EVC: variants seen among roughly 807,000 people sequenced by gnomAD.
EVC encodes the protein evC complex member EVC.
Under a neutral mutation model 118.9 loss-of-function variants are expected in EVC, and 116 were observed. That is an observed-to-expected ratio of 0.98 (90% CI 0.84 to 1.14). The LOEUF is 1.14. EVC is among the 50% of genes most tolerant of loss of function. EVC has a pLI of 0.00. For missense variants in EVC, 1,401 were observed against 1,246.4 expected (o/e 1.12, Z -1.87); for synonymous variants, 619 against 534.7 (o/e 1.16, Z -2.18).
At chr4:5,711,706 CA>C in intron 1 of EVC, 152 bp downstream of exon 1, 1 of 686,896 alleles carries the variant, frequency 1.5e-6, no homozygotes, top group Admixed American at 5.7e-5. Context: ...CCTTCTGCTC[CA>C]GGAGGGAGGT....
intron 11 of EVC, among the ~76,000 whole-genome samples, chr4:5,771,298 C>T (rs1733917783): frequency 6.6e-6 from 1 of 152,152 alleles, no homozygotes; most frequent in Non-Finnish European, 1.5e-5. Context: ...CATTCCTTGG[C>T]TCAGGGCCCT....
chr4:5,795,814 A>G (rs1292535368), intron 13 of EVC, among the ~76,000 whole-genome samples: 2 of 152,240 alleles, frequency 1.3e-5, no homozygotes, highest in Non-Finnish European at 2.9e-5. Flanking sequence ...ATTTATGTTT[A>G]ATGTAAATCC....
At position 5,742,416 on chromosome 4, in the gene EVC, AATC is replaced by A. The variant is rs1245125714; in HGVS notation, c.801+612_801+614del. On this transcript the variant is annotated intron_variant, in intron 6 of 20. Transcript: ENST00000264956. The surrounding 1 kb of genome is among the most constrained non-coding windows in gnomAD (Gnocchi z 5.2). ...TCCTCATTATCACAACCACCACCAA[AATC>A]ATCATCATCTTCATTATCACCACCA... 2.0e-5 allele frequency among the ~76,000 whole-genome samples: 3 copies of A among 152,072 alleles called. No homozygotes were observed. The highest frequency in any genetic ancestry group is 3.9e-4 in the East Asian group (2 of 5,192).
At chr4:5,808,351 TC>T (rs1716344832) in intron 18 of EVC, 24 bp downstream of exon 18, 1 of 1,614,010 alleles carries the variant, frequency 6.2e-7, no homozygotes, top group African/African-American at 1.3e-5. Context: ...AACTGGACCT[TC>T]CAAAAGCAGT....
chr4:5,764,818 A>G (rs1732620510), intron 11 of EVC, among the ~76,000 whole-genome samples: 2 of 146,778 alleles, frequency 1.4e-5, no homozygotes, highest in Non-Finnish European at 1.5e-5. Context: ...TCTTGCTAGC[A>G]GTCTATCAAT....
chr4:5,808,697 C>T (rs1444185293), intron 18 of EVC, among the ~76,000 whole-genome samples: 5 of 152,186 alleles, frequency 3.3e-5, no homozygotes, highest in East Asian at 1.9e-4. Flanking sequence ...GCAGTGTTGG[C>T]GATAGCTAAA....
chr4:5,794,241 A>ATATATATATTTATATGTATTTATATATT, intron 13 of EVC, among the ~76,000 whole-genome samples: 1 of 73,638 alleles, frequency 1.4e-5, no homozygotes, highest in South Asian at 6.7e-4. Flanking sequence ...ATATATATTT[A>ATATATATATTTATATGTATTTATATATT]TATATATATT....
intron 15 of EVC, among the ~76,000 whole-genome samples, chr4:5,800,551 G>T (rs1453329274): frequency 6.6e-6 from 1 of 152,128 alleles, no homozygotes; most frequent in East Asian, 1.9e-4. Context: ...GGGAGGAGAG[G>T]TGGGTGCAGA....
intron 12 of EVC, among the ~76,000 whole-genome samples, chr4:5,784,896 C>G (rs1736192300): frequency 6.6e-6 from 1 of 152,188 alleles, no homozygotes; most frequent in Non-Finnish European, 1.5e-5. Flanking sequence ...GCATGAGCCA[C>G]TGTGCCCAGC....
intron 1 of EVC, among the ~76,000 whole-genome samples, chr4:5,714,209 A>G (rs6851722): frequency 0.83 from 125,765 of 151,840 alleles, 52,382 homozygotes; most frequent in African/African-American, 0.91. Flanking sequence ...CCTGCTTTGT[A>G]GGCACTGTTT....
intron 11 of EVC, among the ~76,000 whole-genome samples, chr4:5,767,571 C>T (rs1733128566): frequency 6.6e-6 from 1 of 151,198 alleles, no homozygotes; most frequent in African/African-American, 2.4e-5. Context: ...GCATAGGACC[C>T]TCCGAGCCAC....
Position 5,756,579 on chromosome 4 carries a change from A to G in EVC, c.1563+217A>G, listed in dbSNP as rs115641097. ...CTTGGTCCTCTCTGAGGCACCGTCC[A>G]TTTTTGGGGTGCTGAGGATTCTTAT... On this transcript the variant is annotated intron_variant, in intron 11 of 20. Coordinates refer to ENST00000264956, the MANE Select transcript of EVC (RefSeq NM_153717.3). The surrounding 1 kb of genome is among the most constrained non-coding windows in gnomAD (Gnocchi z 4.2). 0.011 allele frequency among the ~76,000 whole-genome samples: 1,637 copies of G among 152,248 alleles called. 28 individuals are homozygous for G. The highest frequency in any genetic ancestry group is 0.037 in the African/African-American group (1,545 of 41,532).
At chr4:5,788,331 A>G (rs1381153734) in intron 12 of EVC, among the ~76,000 whole-genome samples, 4 of 152,154 alleles carry the variant, frequency 2.6e-5, no homozygotes, top group Non-Finnish European at 5.9e-5. Flanking sequence ...AGAAGGCTTC[A>G]CTGGAGAAGA....
At chr4:5,752,144 G>T (rs908990154) in intron 8 of EVC, among the ~76,000 whole-genome samples, 4 of 152,060 alleles carry the variant, frequency 2.6e-5, no homozygotes, top group African/African-American at 7.2e-5. Flanking sequence ...GGGAGTGGGG[G>T]GTGCAGAGTC....
chr4:5,797,447 G>A (rs1250158440), intron 14 of EVC: 28 of 607,506 alleles, frequency 4.6e-5, no homozygotes, highest in Non-Finnish European at 7.4e-5. Flanking sequence ...GCCAGAATTC[G>A]GAGATCAGGG....
intron 2 of EVC, among the ~76,000 whole-genome samples, chr4:5,728,106 G>C (rs1726164239): frequency 6.6e-6 from 1 of 152,156 alleles, no homozygotes; most frequent in African/African-American, 2.4e-5. Context: ...CCAGTTCTGT[G>C]AAGAAAGTCA....
intron 11 of EVC, among the ~76,000 whole-genome samples, chr4:5,766,267 C>T (rs962852898): frequency 1.4e-4 from 21 of 151,720 alleles, no homozygotes; most frequent in African/African-American, 3.7e-4. Flanking sequence ...TTCTGCCTAG[C>T]GATCAGCTGT....
rs1186282355 is a variant in EVC at position 5,711,406 on chromosome 4, A to G, written c.26A>G (p.Lys9Arg). 1 of 1,020,574 alleles carries G rather than the reference A, an allele frequency of 9.8e-7. No individual in the cohort carries two copies. Among genetic ancestry groups the G allele is most frequent in the East Asian group, 9.6e-5 (1 of 10,370 alleles). 63.2% of individuals were successfully genotyped at this position (1,020,574 alleles called of 1,614,324 possible). A position where few individuals can be genotyped will look rare whatever the true frequency, so the allele number is the denominator to read the frequency against. Residue 9 changes from lysine to arginine, a missense_variant, in exon 1 of 21, where the codon AAG becomes AGG. Physicochemically the swap from Lys to Arg is conservative, Grantham distance 26 (BLOSUM62 2). Coordinates refer to ENST00000264956, the MANE Select transcript of EVC (RefSeq NM_153717.3). MARGGAAC[K>R]SDARLLLGRD... ...ATGGCCCGCGGCGGGGCGGCCTGCA[A>G]GAGCGACGCGCGGCTGCTGCTGGGG... is the stretch of plus-strand genomic sequence containing the variant.
intron 11 of EVC, among the ~76,000 whole-genome samples, chr4:5,778,861 A>C (rs1347908444): frequency 2.0e-5 from 3 of 151,978 alleles, no homozygotes; most frequent in African/African-American, 7.3e-5. Context: ...CCCATTTGTG[A>C]ATTTTGGCTT....
Sources: allele counts gnomAD v4.1 joint callset (sites outside exome capture counted in the v4.1 genomes callset), GRCh38; gene constraint gnomAD v4.1.1; non-coding constraint Gnocchi (gnomAD v3.1); transcripts MANE v1.5; gene names NCBI Gene and HGNC (gene_info 2026-07-23, HGNC 2026-07-21).